The following FMNL1 variants were observed in gnomAD, a reference collection of about 807,000 sequenced individuals.
The protein encoded by FMNL1 is formin like 1, also known as formin-like protein 1.
In FMNL1, 43 loss-of-function variants were observed where a neutral mutation model predicts 121.3. The ratio of observed to expected loss-of-function variants is 0.35; its 90% CI spans 0.28 to 0.46. The LOEUF (loss-of-function observed/expected upper bound fraction) is 0.46. Among genes scored for constraint, FMNL1 ranks in the 20% least tolerant of loss-of-function variants. The probability of loss-of-function intolerance (pLI) is 1.00; values close to 1 mark genes in which losing one functional copy is unlikely to be tolerated. For missense variants in FMNL1, 1,191 were observed against 1,482.4 expected (o/e 0.80, Z 3.23); for synonymous variants, 613 against 613.5 (o/e 1.00, Z 0.01).
Position 45,237,146 on chromosome 17 carries a change from T to G in FMNL1, c.724-135T>G. ...AAAAAAAATAGAAACAAGGCCAGGT[T>G]TTGGTGGCCACAGAAGTTGCGGTTG... On this transcript the variant is annotated intron_variant, in intron 7 of 26. Transcript: ENST00000331495. This position sits in a 1 kb window ranked among gnomAD's most constrained non-coding sequence, Gnocchi z 4.4. 1.4e-6 allele frequency: 1 copy of G among 710,236 alleles called. No individual in the cohort carries two copies. The highest frequency in any genetic ancestry group is 2.3e-6 in the Non-Finnish European group (1 of 428,664). The allele number at this position is 710,236 out of a possible 1,614,324, so 44.0% of individuals were successfully genotyped here.
In FMNL1 at chr17:45,232,443, G is replaced by A. The variant is rs1353708359; in HGVS notation, c.290G>A (p.Ser97Asn). Reference protein sequence around the residue: ...LKSYVDTGGVSRKVAADWMSN... With the variant: ...LKSYVDTGGVNRKVAADWMSN... ...AGCTATGTGGATACTGGTGGGGTCA[G>A]CCGAAAGGTAGCAGCTGATTGGATG... The change falls in exon 3 of 27, where the codon AGC becomes AAC. Residue 97 changes from serine (S) to asparagine (N), a missense_variant. Ser to Asn is a conservative substitution (Grantham distance 46). This residue lies in a region of FMNL1 where 253 missense variants were observed against 417.5 expected (regional missense o/e 0.61). Transcript: ENST00000331495. The A allele has an allele frequency of 6.2e-7, 1 of 1,614,100 alleles. No homozygotes were observed. Among genetic ancestry groups the A allele is most frequent in the South Asian group, 1.1e-5 (1 of 91,084 alleles).
chr17:45,245,327 C>G lies in FMNL1; in HGVS notation c.2803C>G (p.Arg935Gly), dbSNP rs377725425. The G allele has an allele frequency of 1.2e-6, 2 of 1,614,044 alleles. No individual in the cohort carries two copies. The highest frequency in any genetic ancestry group is 1.7e-6 in the Non-Finnish European group (2 of 1,180,028). Residue 935 changes from arginine (R) to glycine (G), a missense_variant, in exon 22 of 27, where the codon CGG becomes GGG. Around this residue, in one of 4 missense-constraint regions of FMNL1, gnomAD observed 367 missense variants for 528.6 expected, o/e 0.69. Coordinates refer to ENST00000331495, the MANE Select transcript of FMNL1 (RefSeq NM_005892.4). ...GLELTQREFV[R>G]QDDCMVLKEF... is the part of the protein sequence containing the mutation. ...AGAGTTGACACAGAGAGAGTTTGTG[C>G]GGCAGGATGACTGCATGGTGCTCAA...
intron 7 of FMNL1, chr17:45,236,595 T>C (rs1022780162): frequency 5.3e-6 from 1 of 187,478 alleles, no homozygotes; most frequent in African/African-American, 2.3e-5. Context: ...TGGGTCCTCC[T>C]TTACTTAGCC....
intron 1 of FMNL1, among the ~76,000 whole-genome samples, chr17:45,224,352 A>G (rs2043290895): frequency 6.6e-6 from 1 of 152,162 alleles, no homozygotes; most frequent in African/African-American, 2.4e-5. Flanking sequence ...GGCAGTGTGT[A>G]TCGCAGAGTT....
At position 45,237,345 on chromosome 17, in the gene FMNL1, A is replaced by G. The variant is rs531104370; in HGVS notation, c.788A>G (p.Asn263Ser). Residue 263 changes from asparagine (N) to serine (S), a missense_variant, in exon 8 of 27, where the codon AAC becomes AGC. Physicochemically the swap from Asn to Ser is conservative, Grantham distance 46 (BLOSUM62 1). This residue lies in a region of FMNL1 where 253 missense variants were observed against 417.5 expected (regional missense o/e 0.61). Coordinates refer to ENST00000331495, the MANE Select transcript of FMNL1 (RefSeq NM_005892.4). The surrounding 1 kb of genome is among the most constrained non-coding windows in gnomAD (Gnocchi z 4.4). ...AATGAGATTGCTCTGAGCCTCAACA[A>G]CAAGAACCCCAGGTGAGGTCCAGGC... ...CVNEIALSLNNKNPRTKALVL... is the reference protein window; with the variant it reads ...CVNEIALSLNSKNPRTKALVL... 6.2e-7 allele frequency: 1 copy of G among 1,614,138 alleles called. No individual in the cohort carries two copies. The highest frequency in any genetic ancestry group is 1.1e-5 in the South Asian group (1 of 91,074).
At chr17:45,238,197 A>G (rs2043593508) in intron 9 of FMNL1, 2 of 233,282 alleles carry the variant, frequency 8.6e-6, no homozygotes, top group South Asian at 1.5e-4. Context: ...AAAAGCCAGC[A>G]ATGTTGCAGA....
In FMNL1 at chr17:45,231,909, C is replaced by T. The variant is rs1271389595; in HGVS notation, c.214-458C>T. On this transcript the variant is annotated intron_variant, in intron 2 of 26. Coordinates refer to ENST00000331495, the MANE Select transcript of FMNL1 (RefSeq NM_005892.4). The surrounding 1 kb of genome is among the most constrained non-coding windows in gnomAD (Gnocchi z 4.7). ...CCTTCCCACCCCAGGGCGGGGCCTA[C>T]GGCAGGACTGACCCCTGCATAGTCC... Among the ~76,000 whole-genome samples, 2 of 152,274 alleles carry T rather than the reference C, an allele frequency of 1.3e-5. No homozygotes were observed. Among genetic ancestry groups the T allele is most frequent in the African/African-American group, 2.4e-5 (1 of 41,550 alleles).
intron 6 of FMNL1, chr17:45,234,562 G>T: frequency 3.1e-6 from 1 of 323,884 alleles, no homozygotes; most frequent in Non-Finnish European, 6.0e-6. Context: ...TACTCAGGAA[G>T]CTGAGGTGGG....
Position 45,243,939 on chromosome 17 carries a change from T to C in FMNL1, c.2362T>C (p.Phe788Leu), listed in dbSNP as rs138585179. ...AGAGGAGGACCGCTTCATGCTATGCTTCAGCCGCATCCCGCGCCTGCCGGA... is the reference window on the plus strand; with the variant it reads ...AGAGGAGGACCGCTTCATGCTATGCCTCAGCCGCATCCCGCGCCTGCCGGA... ...LSEEDRFMLC[F>L]SRIPRLPERM... The change falls in exon 18 of 27, where the codon TTC becomes CTC. Residue 788 changes from phenylalanine to leucine, a missense_variant. Physicochemically the swap from Phe to Leu is conservative, Grantham distance 22. Around this residue, in one of 4 missense-constraint regions of FMNL1, gnomAD observed 367 missense variants for 528.6 expected, o/e 0.69. Transcript: ENST00000331495. 9.6e-5 allele frequency: 155 copies of C among 1,613,688 alleles called. No individual in the cohort carries two copies. The highest frequency in any genetic ancestry group is 1.2e-4 in the Non-Finnish European group (144 of 1,180,044).
intron 7 of FMNL1, chr17:45,236,680 G>C (rs1365987454): frequency 1.3e-5 from 2 of 158,580 alleles, no homozygotes; most frequent in Non-Finnish European, 2.8e-5. Context: ...TTTAAAAAGA[G>C]GCCAGGTGCA....
At chr17:45,246,742 T>A (rs1210002892) in intron 26 of FMNL1, 125 bp from the exon 27 acceptor site, 1 of 853,140 alleles carries the variant, frequency 1.2e-6, no homozygotes, top group Non-Finnish European at 1.9e-6. Flanking sequence ...CTGGCAAACA[T>A]AAACGGTACC....
At position 45,240,490 on chromosome 17, in the gene FMNL1, C is replaced by T. The variant is rs144023970; in HGVS notation, c.1095C>T (p.Thr365=). The change falls in exon 12 of 27, where the codon ACC becomes ACT. Residue 365 remains threonine (T), a synonymous_variant. Coordinates refer to ENST00000331495, the MANE Select transcript of FMNL1 (RefSeq NM_005892.4). ...LDLYLERLRL[T]ESDKLQVQIQ... is the part of the protein sequence containing the mutation. The stretch of plus-strand genomic sequence containing the variant: ...CTGGGGGACAGAGGCTTCGGCTCAC[C>T]GAGAGTGACAAGCTGCAGGTGCAGA... The T allele has an allele frequency of 2.2e-5, 36 of 1,612,582 alleles. No homozygotes were observed. The highest frequency in any genetic ancestry group is 1.2e-4 in the Admixed American group (7 of 59,848).
chr17:45,236,423 A>G (rs924245059), intron 7 of FMNL1, 179 bp downstream of exon 7: 10 of 537,834 alleles, frequency 1.9e-5, no homozygotes, highest in African/African-American at 1.6e-4. Flanking sequence ...GGGGAAGCCC[A>G]TGTTTTTGCT....
At chr17:45,236,361 A>G (rs1277403099) in intron 7 of FMNL1, 117 bp downstream of exon 7, 2 of 811,224 alleles carry the variant, frequency 2.5e-6, no homozygotes, top group Admixed American at 5.0e-5. Context: ...TGTGCTGGGG[A>G]ACTTGCGCAT....
At position 45,241,848 on chromosome 17, in the gene FMNL1, T is replaced by C. The variant is rs1197720186; in HGVS notation, c.1587T>C (p.Asp529=). The change falls in exon 15 of 27, where the codon GAT becomes GAC. Residue 529 remains aspartate (D), a splice_region_variant and synonymous_variant. Transcript: ENST00000331495. This position sits in a 1 kb window ranked among gnomAD's most constrained non-coding sequence, Gnocchi z 7.0. The stretch of plus-strand genomic sequence containing the variant: ...CACGCCGCGCCCTCGCTGGCTCAGA[T>C]CTCGCACCTGCAGCAGAGCCGGCTC... ...PGVPTGSPSP[D]LAPAAEPAPG... is the part of the protein sequence containing the mutation. 2 of 1,429,576 alleles carry C rather than the reference T, an allele frequency of 1.4e-6. No individual in the cohort carries two copies. The highest frequency in any genetic ancestry group is 3.0e-5 in the Admixed American group (1 of 33,204). The allele number at this position is 1,429,576 out of a possible 1,614,324, so 88.6% of individuals were successfully genotyped here.
Position 45,236,129 on chromosome 17 carries a change from C to T in FMNL1, c.615-7C>T, listed in dbSNP as rs755856437. ...GACTCCTGCTGCCTCCTCCACACCC[C>T]GCCCAGGCTGACCCCAGCCCACAGC... On this transcript the variant is annotated splice_region_variant and splice_polypyrimidine_tract_variant and intron_variant, in intron 6 of 26. Coordinates refer to ENST00000331495, the MANE Select transcript of FMNL1 (RefSeq NM_005892.4). The T allele has an allele frequency of 2.1e-5, 34 of 1,609,296 alleles. No individual in the cohort carries two copies. The highest frequency in any genetic ancestry group is 6.7e-5 in the East Asian group (3 of 44,834).
intron 1 of FMNL1, among the ~76,000 whole-genome samples, chr17:45,224,150 T>G (rs574330340): frequency 1.4e-3 from 209 of 152,276 alleles, no homozygotes; most frequent in Non-Finnish European, 2.5e-3. Flanking sequence ...TGTTTATACC[T>G]TCTTCCCGGG....
Position 45,243,224 on chromosome 17 carries a change from A to G in FMNL1, c.2117A>G (p.Lys706Arg), listed in dbSNP as rs563838155. Residue 706 changes from lysine to arginine, a missense_variant, in exon 17 of 27, where the codon AAG becomes AGG. Lys to Arg is a conservative substitution (Grantham distance 26). Around this residue, in one of 4 missense-constraint regions of FMNL1, gnomAD observed 519 missense variants for 492.8 expected, o/e 1.05. Transcript: ENST00000331495. ...KSKAAQKAPSKATLIEANRAK... is the reference protein window; with the variant it reads ...KSKAAQKAPSRATLIEANRAK... ...AAGGCAGCCCAGAAGGCCCCCAGCA[A>G]GGCGACACTCATTGAGGCCAACCGG... 4.3e-6 allele frequency: 7 copies of G among 1,614,186 alleles called. No individual in the cohort carries two copies. The East Asian group carries it at 1.6e-4, about 36-fold the overall frequency.
chr17:45,230,524 G>T, intron 1 of FMNL1, 80 bp from the exon 2 acceptor site: 1 of 1,356,544 alleles, frequency 7.4e-7, no homozygotes. Flanking sequence ...GAGCCAAGTG[G>T]GTTTCCCCCA....
Sources: gnomAD v4.1 joint callset for allele counts (sites outside exome capture counted in the v4.1 genomes callset) on GRCh38, gnomAD v4.1.1 for gene constraint, gnomAD v4.1.1 regional missense constraint, Gnocchi (gnomAD v3.1) non-coding constraint, MANE v1.5 for transcripts, NCBI Gene and HGNC (gene_info 2026-07-23, HGNC 2026-07-21) for gene names.